The following CD163L1 variants were observed in gnomAD, a reference collection of about 807,000 sequenced individuals.
CD163L1 encodes the protein CD163 molecule like 1.
A neutral mutation model predicts 165.4 loss-of-function variants in CD163L1; 124 were observed. The observed-to-expected ratio is 0.75, with a 90% CI of 0.65 to 0.87. CD163L1 has a LOEUF of 0.87. CD163L1 is among the 40% of genes least tolerant of loss of function. The probability of loss-of-function intolerance (pLI) is 0.00; values close to 1 mark genes in which losing one functional copy is unlikely to be tolerated. For synonymous variants in CD163L1, 585 were observed against 662.2 expected (o/e 0.88, Z 1.79); for missense variants, 1,525 against 1,799.9 (o/e 0.85, Z 2.76).
rs537669622 is a variant in CD163L1 at position 7,363,086 on chromosome 12, A to G, written c.4279+4150T>C. Among the ~76,000 whole-genome samples the G allele has an allele frequency of 1.2e-4, 19 of 152,168 alleles. No homozygotes were observed. In the South Asian group the frequency reaches 3.9e-3, roughly 32 times the overall value. ...GGGACGTTTATAGCAGTAAACACCC[A>G]TATCAAAAAGTAGATAGAGACCAGC... On this transcript the variant is annotated intron_variant, in intron 18 of 19. Transcript: ENST00000313599.
chr12:7,398,579 C>T lies in CD163L1; in HGVS notation c.1414G>A (p.Ala472Thr). The change falls in exon 7 of 20, where the codon GCA (alanine) becomes ACA (threonine). Residue 472 changes from alanine to threonine, a missense_variant. Physicochemically the swap from Ala to Thr is moderately conservative, Grantham distance 58. Transcript: ENST00000313599. This position sits in a 1 kb window ranked among gnomAD's most constrained non-coding sequence, Gnocchi z 4.5. ...SDAGVICSDK[A>T]DLDLRLVGAH... ...CCGACAAGCCTTAGGTCCAGATCTG[C>T]CTTATCTGCAAGCAAGACAAAACCA... The T allele has an allele frequency of 1.3e-6, 2 of 1,556,194 alleles. No individual in the cohort carries two copies. The highest frequency in any genetic ancestry group is 2.3e-5 in the East Asian group (1 of 44,444).
Position 7,375,885 on chromosome 12 carries a change from CT to C in CD163L1, c.2500del (p.Arg834GlufsTer3). 6.2e-7 allele frequency: 1 copy of C among 1,614,210 alleles called. No individual in the cohort carries two copies. Among genetic ancestry groups the C allele is most frequent in the Non-Finnish European group, 8.5e-7 (1 of 1,180,038 alleles). On this transcript the variant is annotated frameshift_variant, in exon 10 of 20. Transcript: ENST00000313599. LOFTEE classifies it high-confidence loss of function. Reference sequence around the variant, plus strand: ...TATGGCATCTCCACAGTTTAATTCTCTGCACAGCACATTGGCAGCATGAAGA... The same window carrying C: ...TATGGCATCTCCACAGTTTAATTCTCGCACAGCACATTGGCAGCATGAAGA... ...FSLHAANVLC[R>X]ELNCGDAISL...
At chr12:7,359,270 C>CA (rs972031227) in intron 18 of CD163L1, among the ~76,000 whole-genome samples, 9 of 150,840 alleles carry the variant, frequency 6.0e-5, no homozygotes, top group East Asian at 3.9e-4. Context: ...GAATAAATGC[C>CA]AAAAAAACAA....
intron 1 of CD163L1, among the ~76,000 whole-genome samples, chr12:7,442,613 T>G (rs964793584): frequency 6.6e-6 from 1 of 152,222 alleles, no homozygotes; most frequent in Non-Finnish European, 1.5e-5. Flanking sequence ...AAGTGTGGAA[T>G]GGGCAATTAG....
the CD163L1 span, among the ~76,000 whole-genome samples, chr12:7,331,047 G>A: frequency 9.2e-4 from 140 of 152,328 alleles, 1 homozygote; most frequent in Non-Finnish European, 1.6e-3. Flanking sequence ...GAAAGAAAGG[G>A]GTGACGGATG....
At chr12:7,417,717 T>C (rs1352898699) in intron 4 of CD163L1, among the ~76,000 whole-genome samples, 1 of 152,136 alleles carries the variant, frequency 6.6e-6, no homozygotes, top group African/African-American at 2.4e-5. Flanking sequence ...ATTACATTTA[T>C]TGATTTGCAT....
chr12:7,344,325 C>G (rs1272430940), downstream of CD163L1, among the ~76,000 whole-genome samples: 1 of 152,146 alleles, frequency 6.6e-6, no homozygotes, highest in Non-Finnish European at 1.5e-5. Flanking sequence ...CAACTACATG[C>G]AATCTGCCTG....
At chr12:7,328,317 A>G in the CD163L1 span, 1 of 1,593,924 alleles carries the variant, frequency 6.3e-7, no homozygotes, top group East Asian at 2.3e-5. Context: ...CCCAAAGACA[A>G]TCACTGGGAA....
intron 4 of CD163L1, among the ~76,000 whole-genome samples, chr12:7,423,528 A>G (rs1268238526): frequency 6.6e-6 from 1 of 152,160 alleles, no homozygotes; most frequent in African/African-American, 2.4e-5. Context: ...CAAAAAAACA[A>G]TCAACCCAGG....
Position 7,421,526 on chromosome 12 carries a change from T to TATATACATATATGTAC in CD163L1, c.766+10889_766+10890insGTACATATATGTATAT, listed in dbSNP as rs1166757249. Among the ~76,000 whole-genome samples, 92 of 124,578 alleles carry TATATACATATATGTAC rather than the reference T, an allele frequency of 7.4e-4. 24 individuals carry two copies. Among genetic ancestry groups the TATATACATATATGTAC allele is most frequent in the African/African-American group, 3.3e-3 (91 of 27,740 alleles). The allele number at this position is 124,578 out of a possible 152,430, so 81.7% of individuals were successfully genotyped here. A position where few individuals can be genotyped will look rare whatever the true frequency, so the allele number is the denominator to read the frequency against. ...ACATATACATATACATATATGTACA[T>TATATACATATATGTAC]ATATACATATACGTACACATATACA... On this transcript the variant is annotated intron_variant, in intron 4 of 19. Coordinates refer to ENST00000313599, the MANE Select transcript of CD163L1 (RefSeq NM_174941.6).
At position 7,441,154 on chromosome 12, in the gene CD163L1, TA is replaced by T; in HGVS notation, c.123del (p.Phe41LeufsTer8). ...AAAGTTATCATCCATCAGAACTCAC[TA>T]AAACTGCTGATGAGAAAGCAGGAAT... Reference protein sequence around the residue: ...LLNSCFLISSFNGTDLELRLV... With the variant: ...LLNSCFLISSXNGTDLELRLV... On this transcript the variant is annotated frameshift_variant and splice_region_variant, in exon 2 of 20. Transcript: ENST00000313599. LOFTEE classifies it high-confidence loss of function. 1.9e-6 allele frequency: 3 copies of T among 1,611,640 alleles called. No homozygotes were observed. The highest frequency in any genetic ancestry group is 1.3e-5 in the African/African-American group (1 of 74,980).
intron 18 of CD163L1, among the ~76,000 whole-genome samples, chr12:7,362,104 T>C (rs576745827): frequency 1.6e-4 from 23 of 148,260 alleles, no homozygotes; most frequent in Admixed American, 6.1e-4. Flanking sequence ...TAAAATGGAA[T>C]ATTTATATAT....
chr12:7,321,751 A>G, the CD163L1 span, among the ~76,000 whole-genome samples: 1 of 152,248 alleles, frequency 6.6e-6, no homozygotes, highest in Non-Finnish European at 1.5e-5. Flanking sequence ...TCCAAAGTCA[A>G]ACAGGCAGGG....
At chr12:7,337,637 G>A in the CD163L1 span, among the ~76,000 whole-genome samples, 2 of 152,224 alleles carry the variant, frequency 1.3e-5, no homozygotes, top group African/African-American at 4.8e-5. Context: ...ACGCCAGTTA[G>A]AATGGTGATC....
At chr12:7,440,247 C>T (rs1385406861) in intron 2 of CD163L1, among the ~76,000 whole-genome samples, 1 of 151,978 alleles carries the variant, frequency 6.6e-6, no homozygotes, top group Non-Finnish European at 1.5e-5. Context: ...GCCCTGGAGG[C>T]GGCCCCGCGA....
At chr12:7,429,058 T>A (rs1170791989) in intron 4 of CD163L1, among the ~76,000 whole-genome samples, 2 of 152,070 alleles carry the variant, frequency 1.3e-5, no homozygotes, top group Non-Finnish European at 2.9e-5. Flanking sequence ...AGAAGATATG[T>A]GTAGCAAAGT....
At chr12:7,332,603 A>G in the CD163L1 span, among the ~76,000 whole-genome samples, 30 of 152,070 alleles carry the variant, frequency 2.0e-4, no homozygotes, top group Non-Finnish European at 3.7e-4. Flanking sequence ...AACTCTACAA[A>G]CCAGAAGAGA....
In CD163L1 at chr12:7,368,762, G is replaced by A. The variant is rs1449659119; in HGVS notation, c.4072+171C>T. On this transcript the variant is annotated intron_variant, in intron 16 of 19. Transcript: ENST00000313599. This position sits in a 1 kb window ranked among gnomAD's most constrained non-coding sequence, Gnocchi z 4.3. ...TAAAAAGGATTTTTCTAGAGAGAAG[G>A]ACTGCATAGCAAAGCAGTCACAGAG... is the stretch of plus-strand genomic sequence containing the variant. 2 of 670,742 alleles carry A rather than the reference G, an allele frequency of 3.0e-6. No individual in the cohort carries two copies. The highest frequency in any genetic ancestry group is 5.3e-6 in the Non-Finnish European group (2 of 379,714). 41.5% of individuals were successfully genotyped at this position (670,742 alleles called of 1,614,324 possible). A position where few individuals can be genotyped will look rare whatever the true frequency, so the allele number is the denominator to read the frequency against.
chr12:7,369,725 A>G lies in CD163L1; in HGVS notation c.3731-60T>C, dbSNP rs773731807. Reference sequence around the variant, plus strand: ...TGAAGGAGGTTGTGGGAGAATGCTGAGGTAGAAAAACTTGAAAGTAGCAAA... The same window carrying G: ...TGAAGGAGGTTGTGGGAGAATGCTGGGGTAGAAAAACTTGAAAGTAGCAAA... On this transcript the variant is annotated intron_variant, in intron 14 of 19. Coordinates refer to ENST00000313599, the MANE Select transcript of CD163L1 (RefSeq NM_174941.6). The surrounding 1 kb of genome is among the most constrained non-coding windows in gnomAD (Gnocchi z 4.9). 3.6e-5 allele frequency: 54 copies of G among 1,504,188 alleles called. 1 individual carries two copies. In the South Asian group the frequency reaches 6.4e-4, roughly 18 times the overall value. 93.2% of individuals were successfully genotyped at this position (1,504,188 alleles called of 1,614,324 possible).
Sources: allele counts gnomAD v4.1 joint callset (sites outside exome capture counted in the v4.1 genomes callset), GRCh38; gene constraint gnomAD v4.1.1; non-coding constraint Gnocchi (gnomAD v3.1); transcripts MANE v1.5; gene names NCBI Gene and HGNC (gene_info 2026-07-23, HGNC 2026-07-21).